LMO7: variants seen among roughly 807,000 people sequenced by gnomAD.
The protein encoded by LMO7 is LIM domain 7.
A neutral mutation model predicts 206.5 loss-of-function variants in LMO7; 120 were observed. That is an observed-to-expected ratio of 0.58 (90% CI 0.50 to 0.68). The LOEUF (loss-of-function observed/expected upper bound fraction) is 0.68, where lower values mean the gene tolerates loss of function less well. Ranked by LOEUF, LMO7 falls within the 30% of genes least tolerant of loss-of-function variation. The probability of loss-of-function intolerance (pLI) is 0.00; values close to 1 mark genes in which losing one functional copy is unlikely to be tolerated. For missense variants in LMO7, 1,959 were observed against 1,957.9 expected (o/e 1.00, Z -0.01); for synonymous variants, 706 against 681.5 (o/e 1.04, Z -0.56).
At chr13:75,637,010 C>G (rs988448309) in intron 1 of LMO7, among the ~76,000 whole-genome samples, 33 of 152,190 alleles carry the variant, frequency 2.2e-4, no homozygotes, top group Admixed American at 2.0e-3. Context: ...TCGCGCGTCC[C>G]GGAGGAGCAG....
chr13:75,838,366 C>G (rs1179652084), intron 20 of LMO7, 170 bp downstream of exon 20: 2 of 1,467,414 alleles, frequency 1.4e-6, no homozygotes, highest in African/African-American at 1.4e-5. Context: ...GCTTTTCTTA[C>G]AGTTCATGGG....
At chr13:75,628,825 AAC>A (rs1464155579) in intron 2 of LMO7, among the ~76,000 whole-genome samples, 3 of 152,136 alleles carry the variant, frequency 2.0e-5, no homozygotes, top group African/African-American at 2.4e-5. Flanking sequence ...CTTCCTTTAC[AAC>A]ACAGAGTAGC....
At chr13:75,705,590 G>A (rs1383530437) in intron 1 of LMO7, among the ~76,000 whole-genome samples, 1 of 152,170 alleles carries the variant, frequency 6.6e-6, no homozygotes, top group Non-Finnish European at 1.5e-5. Context: ...CTCTATTTAT[G>A]TGGTTCCTAT....
At position 75,805,675 on chromosome 13, in the gene LMO7, A is replaced by C. The variant is rs2055353987; in HGVS notation, c.1111A>C (p.Lys371Gln). Residue 371 changes from lysine (K) to glutamine (Q), a missense_variant, in exon 9 of 31, where the codon AAA (lysine) becomes CAA (glutamine). Coordinates refer to ENST00000377534, the MANE Select transcript of LMO7 (RefSeq NM_001306080.2). ...PGNAFDQFLP[K>Q]CWTPEDVNWK... ...GAATGCTTTTGATCAGTTTCTTCCCAAATGTTGGACCCCAGAAGATGTGAA... is the reference window on the plus strand; with the variant it reads ...GAATGCTTTTGATCAGTTTCTTCCCCAATGTTGGACCCCAGAAGATGTGAA... 6.2e-7 allele frequency: 1 copy of C among 1,614,054 alleles called. No homozygotes were observed. The highest frequency in any genetic ancestry group is 8.5e-7 in the Non-Finnish European group (1 of 1,179,878).
intron 20 of LMO7, chr13:75,838,437 T>C: frequency 3.0e-6 from 3 of 995,796 alleles, no homozygotes; most frequent in Non-Finnish European, 2.7e-6. Context: ...ATTTTACTTT[T>C]TTTTTTTTAA....
intron 4 of LMO7, among the ~76,000 whole-genome samples, chr13:75,765,724 A>G (rs2048783412): frequency 6.6e-6 from 1 of 152,160 alleles, no homozygotes; most frequent in African/African-American, 2.4e-5. Context: ...GTGGGATATG[A>G]GGCAGGTCTG....
At chr13:75,755,871 G>A (rs2047650046) in intron 3 of LMO7, among the ~76,000 whole-genome samples, 1 of 152,150 alleles carries the variant, frequency 6.6e-6, no homozygotes, top group Non-Finnish European at 1.5e-5. Flanking sequence ...ACAGAGTGTT[G>A]AAGTGATGCC....
At chr13:75,801,028 TTTG>T in intron 7 of LMO7, 146 bp downstream of exon 7, 1 of 708,312 alleles carries the variant, frequency 1.4e-6, no homozygotes, top group Non-Finnish European at 2.4e-6. Context: ...AATTGGGGGT[TTTG>T]TTATTTTTTT....
At chr13:75,714,067 T>G (rs533973151) in intron 2 of LMO7, among the ~76,000 whole-genome samples, 181 of 152,334 alleles carry the variant, frequency 1.2e-3, no homozygotes, top group South Asian at 4.6e-3. Context: ...CAGGTATTTA[T>G]GCTATCTGTC....
chr13:75,744,172 A>G (rs1207698345), intron 3 of LMO7, among the ~76,000 whole-genome samples: 1 of 152,190 alleles, frequency 6.6e-6, no homozygotes, highest in Non-Finnish European at 1.5e-5. Flanking sequence ...TATCTCTTCC[A>G]TTCCCAATTA....
chr13:75,752,511 T>C (rs1023277163), intron 3 of LMO7, among the ~76,000 whole-genome samples: 1 of 152,156 alleles, frequency 6.6e-6, no homozygotes, highest in Non-Finnish European at 1.5e-5. Flanking sequence ...TGTGGTGAAG[T>C]AGGGGCCTTC....
At chr13:75,708,914 A>G (rs1272528667) in intron 1 of LMO7, among the ~76,000 whole-genome samples, 2 of 152,138 alleles carry the variant, frequency 1.3e-5, no homozygotes, top group African/African-American at 4.8e-5. Flanking sequence ...GTCATTTAAC[A>G]TTAGGTATAT....
intron 27 of LMO7, among the ~76,000 whole-genome samples, chr13:75,850,183 A>G (rs554107133): frequency 2.4e-4 from 37 of 152,260 alleles, no homozygotes; most frequent in Non-Finnish European, 4.7e-4. Flanking sequence ...CACAAAGCCA[A>G]TAAACACAAA....
intron 28 of LMO7, 43 bp from the exon 29 acceptor site, chr13:75,855,217 T>C: frequency 8.5e-7 from 1 of 1,183,286 alleles, no homozygotes; most frequent in Non-Finnish European, 1.3e-6. Context: ...AATCTTGAGC[T>C]GCCCAGGTGA....
chr13:75,658,228 T>C (rs929294206), intron 1 of LMO7, among the ~76,000 whole-genome samples: 3 of 152,192 alleles, frequency 2.0e-5, no homozygotes, highest in Admixed American at 2.0e-4. Flanking sequence ...CTATTTTTTA[T>C]TGGCTTTGAG....
intron 1 of LMO7, among the ~76,000 whole-genome samples, chr13:75,685,749 A>G (rs933597244): frequency 3.9e-5 from 6 of 152,174 alleles, no homozygotes; most frequent in African/African-American, 7.2e-5. Flanking sequence ...AAGCCTGGAC[A>G]TATGAGATAT....
intron 1 of LMO7, among the ~76,000 whole-genome samples, chr13:75,700,808 C>G (rs1016541068): frequency 2.6e-5 from 4 of 152,186 alleles, no homozygotes; most frequent in Non-Finnish European, 5.9e-5. Flanking sequence ...CTTGAGATTT[C>G]ATCACACTAT....
chr13:75,735,293 C>G (rs1021836914), intron 3 of LMO7, among the ~76,000 whole-genome samples: 2 of 152,002 alleles, frequency 1.3e-5, no homozygotes, highest in Admixed American at 1.3e-4. Context: ...GTTTGTAGGA[C>G]CCTGGAGCTT....
At chr13:75,653,468 G>A (rs1425866114) in intron 1 of LMO7, among the ~76,000 whole-genome samples, 17 of 152,148 alleles carry the variant, frequency 1.1e-4, no homozygotes, top group South Asian at 4.2e-4. Flanking sequence ...TTGAAGGGAG[G>A]TGCCAAACCA....
Sources: allele counts gnomAD v4.1 joint callset (sites outside exome capture counted in the v4.1 genomes callset), GRCh38; gene constraint gnomAD v4.1.1; transcripts MANE v1.5; gene names NCBI Gene and HGNC (gene_info 2026-07-23, HGNC 2026-07-21).